The following SDCCAG8 variants were observed in gnomAD, a reference collection of about 807,000 sequenced individuals.
SDCCAG8 encodes serologically defined colon cancer antigen 8.
SDCCAG8 carries 74 observed loss-of-function variants against 101.8 expected under a neutral mutation model. That is an observed-to-expected ratio of 0.73 (90% CI 0.60 to 0.88). SDCCAG8 has a LOEUF of 0.88. SDCCAG8 is among the 40% of genes least tolerant of loss of function. The pLI, the probability that SDCCAG8 is intolerant of heterozygous loss-of-function variation, is 0.00. For synonymous variants in SDCCAG8, 281 were observed against 292.9 expected (o/e 0.96, Z 0.41); for missense variants, 787 against 822.6 (o/e 0.96, Z 0.53).
chr1:243,356,767 T>C (rs1368866281), intron 12 of SDCCAG8, among the ~76,000 whole-genome samples: 1 of 152,044 alleles, frequency 6.6e-6, no homozygotes, highest in East Asian at 1.9e-4. Flanking sequence ...AGGAGAATCG[T>C]TGAGCCCAGG....
chr1:243,348,816 TAC>T (rs1205224384), intron 12 of SDCCAG8, among the ~76,000 whole-genome samples: 1 of 22,682 alleles, frequency 4.4e-5, no homozygotes. Flanking sequence ...CTACTAAAAA[TAC>T]AAAAAAAAAA....
At chr1:243,488,969 G>C (rs771259898) in intron 16 of SDCCAG8, 45 bp from the exon 17 acceptor site, 1 of 1,612,834 alleles carries the variant, frequency 6.2e-7, no homozygotes. Flanking sequence ...CCTGTTGAAA[G>C]GCTGACGTTA....
chr1:243,428,933 C>T (rs932826269), intron 16 of SDCCAG8, among the ~76,000 whole-genome samples: 19 of 152,172 alleles, frequency 1.2e-4, no homozygotes, highest in Non-Finnish European at 2.6e-4. Flanking sequence ...GTTTCTCTCT[C>T]CAGTAAATTG....
intron 9 of SDCCAG8, among the ~76,000 whole-genome samples, chr1:243,324,501 G>A (rs1223964860): frequency 8.9e-6 from 1 of 112,310 alleles, no homozygotes; most frequent in East Asian, 2.8e-4. Flanking sequence ...GCCTCACTCT[G>A]TCACCCAGGC....
At chr1:243,401,393 C>T (rs1178279946) in intron 13 of SDCCAG8, among the ~76,000 whole-genome samples, 1 of 152,212 alleles carries the variant, frequency 6.6e-6, no homozygotes, top group Non-Finnish European at 1.5e-5. Flanking sequence ...GATTGACAAG[C>T]TAATATGACT....
chr1:243,317,390 G>A (rs960691766), intron 9 of SDCCAG8, among the ~76,000 whole-genome samples: 3 of 147,464 alleles, frequency 2.0e-5, no homozygotes, highest in African/African-American at 5.0e-5. Context: ...GCACGATTTC[G>A]GCTCACAGCA....
chr1:243,386,237 T>C (rs1368537276), intron 13 of SDCCAG8, among the ~76,000 whole-genome samples: 1 of 152,204 alleles, frequency 6.6e-6, no homozygotes, highest in African/African-American at 2.4e-5. Flanking sequence ...GTTACACAGC[T>C]GATATGTTAT....
chr1:243,478,956 C>CAAAAAAAAAAAAAAAAAAAAA (rs148382740), intron 16 of SDCCAG8, among the ~76,000 whole-genome samples: 18 of 94,692 alleles, frequency 1.9e-4, no homozygotes, highest in African/African-American at 7.0e-4. Context: ...GACTCTGTCT[C>CAAAAAAAAAAAAAAAAAAAAA]AAAAAAAAAA....
chr1:243,308,129 C>T lies in SDCCAG8; in HGVS notation c.881C>T (p.Ser294Phe), dbSNP rs865784917. 1.2e-6 allele frequency: 2 copies of T among 1,614,152 alleles called. No homozygotes were observed. Among genetic ancestry groups the T allele is most frequent in the South Asian group, 2.2e-5 (2 of 91,074 alleles). ...LKCAQHEAVL[S>F]QTHTNVHMQT... Reference sequence around the variant, plus strand: ...TGTGCTCAGCATGAAGCTGTTCTTTCCCAAACCCATACTAATGTTCATATG... The same window carrying T: ...TGTGCTCAGCATGAAGCTGTTCTTTTCCAAACCCATACTAATGTTCATATG... Residue 294 changes from serine to phenylalanine, a missense_variant, in exon 8 of 18, where the codon TCC (serine) becomes TTC (phenylalanine). Transcript: ENST00000366541.
In SDCCAG8 at chr1:243,268,135, C is replaced by G. The variant is rs1236644544; in HGVS notation, c.68-1970C>G. 3 of 648,800 alleles carry G rather than the reference C, an allele frequency of 4.6e-6. No individual in the cohort carries two copies. The African/African-American group carries it at 5.5e-5, about 12-fold the overall frequency. 40.2% of individuals were successfully genotyped at this position (648,800 alleles called of 1,614,324 possible). ...GCTTCCTCATGGTCACACCACACTC[C>G]TGTTTCTTCCGTAATCACCAACGGT... On this transcript the variant is annotated intron_variant, in intron 1 of 17. Coordinates refer to ENST00000366541, the MANE Select transcript of SDCCAG8 (RefSeq NM_006642.5).
At chr1:243,457,771 G>T (rs984292485) in intron 16 of SDCCAG8, among the ~76,000 whole-genome samples, 1 of 152,156 alleles carries the variant, frequency 6.6e-6, no homozygotes, top group East Asian at 1.9e-4. Flanking sequence ...AACCTCAAGC[G>T]TACTTTGCAA....
At chr1:243,314,419 A>C (rs1377471598) in intron 8 of SDCCAG8, among the ~76,000 whole-genome samples, 2 of 152,258 alleles carry the variant, frequency 1.3e-5, no homozygotes, top group Non-Finnish European at 2.9e-5. Context: ...TCTAGTTTCT[A>C]ATTCAAAATA....
At chr1:243,257,555 TTAA>T (rs1405937693) in intron 1 of SDCCAG8, among the ~76,000 whole-genome samples, 1 of 152,218 alleles carries the variant, frequency 6.6e-6, no homozygotes, top group African/African-American at 2.4e-5. Context: ...TCATTAAATG[TTAA>T]TTGTTATTTA....
intron 4 of SDCCAG8, among the ~76,000 whole-genome samples, chr1:243,276,319 T>C (rs2068570540): frequency 6.6e-6 from 1 of 152,180 alleles, no homozygotes; most frequent in African/African-American, 2.4e-5. Flanking sequence ...GAATGTCTCA[T>C]AGAAATAATG....
intron 16 of SDCCAG8, among the ~76,000 whole-genome samples, chr1:243,468,149 G>A (rs1660510759): frequency 6.6e-6 from 1 of 151,884 alleles, no homozygotes; most frequent in Non-Finnish European, 1.5e-5. Context: ...AGATATTGTA[G>A]CATCTCTTAG....
chr1:243,440,774 C>G (rs527489580), intron 16 of SDCCAG8, among the ~76,000 whole-genome samples: 6 of 152,210 alleles, frequency 3.9e-5, no homozygotes, highest in African/African-American at 1.4e-4. Context: ...GCCTTTCGTG[C>G]TTTTGAAGAG....
chr1:243,421,327 A>G (rs1428614019), intron 15 of SDCCAG8, among the ~76,000 whole-genome samples: 1 of 152,256 alleles, frequency 6.6e-6, no homozygotes, highest in Non-Finnish European at 1.5e-5. Flanking sequence ...AAGCCCATGC[A>G]GAATGACGGG....
intron 3 of SDCCAG8, 117 bp downstream of exon 3, chr1:243,271,180 T>C: frequency 1.4e-6 from 1 of 721,688 alleles, no homozygotes; most frequent in Non-Finnish European, 2.5e-6. Context: ...TGAAAAACAT[T>C]AAAAGTAATT....
rs377160568 is a variant in SDCCAG8, at chr1:243,389,155, C to A, written c.1616+10292C>A. The stretch of plus-strand genomic sequence containing the variant: ...GAGCGAGACTCTGTCCCCCCTCCCC[C>A]CCCCAAAAAAAAAATAATAAATAAA... On this transcript the variant is annotated intron_variant, in intron 13 of 17. Coordinates refer to ENST00000366541, the MANE Select transcript of SDCCAG8 (RefSeq NM_006642.5). 6.8e-4 allele frequency among the ~76,000 whole-genome samples: 102 copies of A among 150,022 alleles called. 1 individual carries two copies. Among genetic ancestry groups the A allele is most frequent in the African/African-American group, 2.5e-3 (100 of 40,672 alleles).
Sources: allele counts gnomAD v4.1 joint callset (sites outside exome capture counted in the v4.1 genomes callset), GRCh38; gene constraint gnomAD v4.1.1; transcripts MANE v1.5; gene names NCBI Gene and HGNC (gene_info 2026-07-23, HGNC 2026-07-21).